SPAST: variants seen among roughly 807,000 people sequenced by gnomAD.
The protein encoded by SPAST is spastin.
In SPAST, 30 loss-of-function variants were observed where a neutral mutation model predicts 76.6. The observed-to-expected ratio is 0.39, with a 90% CI of 0.29 to 0.53. The LOEUF (loss-of-function observed/expected upper bound fraction) is 0.53. SPAST is among the 20% of genes least tolerant of loss of function. The probability of loss-of-function intolerance (pLI) is 0.68; values close to 1 mark genes in which losing one functional copy is unlikely to be tolerated. For synonymous variants in SPAST, 305 were observed against 281.0 expected (o/e 1.09, Z -0.86); for missense variants, 717 against 770.5 (o/e 0.93, Z 0.82).
chr2:32,122,614 A>G lies in SPAST; in HGVS notation c.1099-4334A>G, dbSNP rs540363236. Among the ~76,000 whole-genome samples the G allele has an allele frequency of 9.9e-4, 150 of 151,866 alleles. 1 individual carries two copies. Among genetic ancestry groups the G allele is most frequent in the African/African-American group, 3.6e-3 (148 of 41,460 alleles). ...TGGGATTACAGGTATGAGCCACCAC[A>G]CCTGGGCTGAAATTACTGTTTTTAT... On this transcript the variant is annotated intron_variant, in intron 7 of 16. Coordinates refer to ENST00000315285, the MANE Select transcript of SPAST (RefSeq NM_014946.4).
At chr2:32,094,420 C>T (rs1162234143) in intron 3 of SPAST, among the ~76,000 whole-genome samples, 1 of 151,972 alleles carries the variant, frequency 6.6e-6, no homozygotes, top group Admixed American at 6.6e-5. Context: ...GAGAAGTTGC[C>T]ATGAGTTAGC....
At chr2:32,082,287 C>G (rs905949658) in intron 1 of SPAST, among the ~76,000 whole-genome samples, 28 of 151,822 alleles carry the variant, frequency 1.8e-4, no homozygotes, top group Non-Finnish European at 3.7e-4. Flanking sequence ...GCCACCGCAC[C>G]TGGCTCTAGT....
At chr2:32,108,277 G>T (rs1425721621) in intron 4 of SPAST, among the ~76,000 whole-genome samples, 1 of 152,158 alleles carries the variant, frequency 6.6e-6, no homozygotes, top group African/African-American at 2.4e-5. Flanking sequence ...CTCAACAGCA[G>T]ATTAGAGATA....
intron 3 of SPAST, among the ~76,000 whole-genome samples, chr2:32,092,612 A>G (rs1451982895): frequency 6.6e-6 from 1 of 152,232 alleles, no homozygotes; most frequent in East Asian, 1.9e-4. Flanking sequence ...GCATTTAAAG[A>G]TTTAACGTTT....
At chr2:32,113,560 C>CTTT (rs10534612) in intron 4 of SPAST, among the ~76,000 whole-genome samples, 43 of 90,948 alleles carry the variant, frequency 4.7e-4, no homozygotes, top group African/African-American at 6.4e-4. Flanking sequence ...TGCTTCATAA[C>CTTT]TTTTTTTTTT....
At chr2:32,083,259 TG>T (rs1429044287) in intron 1 of SPAST, among the ~76,000 whole-genome samples, 1 of 152,144 alleles carries the variant, frequency 6.6e-6, no homozygotes, top group Non-Finnish European at 1.5e-5. Flanking sequence ...CCCATCCTCC[TG>T]TTTTTAAATT....
chr2:32,107,319 G>A (rs1447904014), intron 4 of SPAST, among the ~76,000 whole-genome samples: 1 of 151,800 alleles, frequency 6.6e-6, no homozygotes, highest in Admixed American at 6.6e-5. Context: ...TGCAACCTCC[G>A]CAGCCTCCCC....
chr2:32,066,993 CCAAAAAAAA>C (rs1676544813), intron 1 of SPAST, among the ~76,000 whole-genome samples: 3 of 41,678 alleles, frequency 7.2e-5, no homozygotes, highest in South Asian at 1.2e-3. Flanking sequence ...AAAAAAAAAA[CCAAAAAAAA>C]AAAAACTGTT....
intron 7 of SPAST, among the ~76,000 whole-genome samples, chr2:32,122,313 G>A (rs1023187582): frequency 6.6e-6 from 1 of 152,014 alleles, no homozygotes; most frequent in Admixed American, 6.6e-5. Flanking sequence ...AAATTACTAG[G>A]TTTTGTTTTG....
In SPAST at chr2:32,154,609, C is replaced by A; in HGVS notation, c.*113C>A. On this transcript the variant is annotated 3_prime_UTR_variant, in exon 17 of 17. Transcript: ENST00000315285. ...CTAAGTTTACAGGACTTTTTAGAGT[C>A]TTACATATTTGTGCACCAAACTTGA... The A allele has an allele frequency of 9.4e-7, 1 of 1,068,160 alleles. No homozygotes were observed. Among genetic ancestry groups the A allele is most frequent in the Non-Finnish European group, 1.4e-6 (1 of 708,628 alleles). The allele number at this position is 1,068,160 out of a possible 1,614,324, so 66.2% of individuals were successfully genotyped here.
At chr2:32,146,967 A>C (rs1679907976) in intron 15 of SPAST, among the ~76,000 whole-genome samples, 1 of 152,030 alleles carries the variant, frequency 6.6e-6, no homozygotes, top group Admixed American at 6.6e-5. Context: ...TTCCCTTTCA[A>C]ATTTGTGAAC....
At chr2:32,084,444 A>G (rs932060987) in intron 1 of SPAST, among the ~76,000 whole-genome samples, 1 of 152,002 alleles carries the variant, frequency 6.6e-6, no homozygotes, top group African/African-American at 2.4e-5. Context: ...GATTACAGGC[A>G]TGAGCCACCG....
At position 32,063,842 on chromosome 2, in the gene SPAST, CG is replaced by C; in HGVS notation, c.14del (p.Gly5ValfsTer55). 1 of 1,576,978 alleles carries C rather than the reference CG, an allele frequency of 6.3e-7. No individual in the cohort carries two copies. MNS[P>X]GGRGKKKGSG... ...CAGTGAGAGCTGTGAATGAATTCTC[CG>C]GGTGGACGAGGGAAGAAGAAAGGCT... is the stretch of plus-strand genomic sequence containing the variant. On this transcript the variant is annotated frameshift_variant, in exon 1 of 17. Coordinates refer to ENST00000315285, the MANE Select transcript of SPAST (RefSeq NM_014946.4). LOFTEE classifies it high-confidence loss of function.
chr2:32,077,235 G>C (rs1676999009), intron 1 of SPAST, among the ~76,000 whole-genome samples: 1 of 152,114 alleles, frequency 6.6e-6, no homozygotes, highest in Non-Finnish European at 1.5e-5. Context: ...GTTGCCATCA[G>C]AAAATTGTAG....
chr2:32,154,625 C>G lies in SPAST; in HGVS notation c.*129C>G. The G allele has an allele frequency of 3.2e-6, 3 of 924,942 alleles. No individual in the cohort carries two copies. Among genetic ancestry groups the G allele is most frequent in the East Asian group, 2.5e-5 (1 of 40,028 alleles). 57.3% of individuals were successfully genotyped at this position (924,942 alleles called of 1,614,324 possible). A position where few individuals can be genotyped will look rare whatever the true frequency, so the allele number is the denominator to read the frequency against. Reference sequence around the variant, plus strand: ...TTTTAGAGTCTTACATATTTGTGCACCAAACTTGAAGATGAACCAGAAAAC... The same window carrying G: ...TTTTAGAGTCTTACATATTTGTGCAGCAAACTTGAAGATGAACCAGAAAAC... On this transcript the variant is annotated 3_prime_UTR_variant, in exon 17 of 17. Coordinates refer to ENST00000315285, the MANE Select transcript of SPAST (RefSeq NM_014946.4).
intron 12 of SPAST, among the ~76,000 whole-genome samples, chr2:32,137,429 G>C (rs376211157): frequency 6.6e-6 from 1 of 152,082 alleles, no homozygotes; most frequent in Non-Finnish European, 1.5e-5. Context: ...AGTTCTTCTG[G>C]GTTGCATTAA....
intron 3 of SPAST, among the ~76,000 whole-genome samples, chr2:32,093,359 C>T (rs11124276): frequency 6.7e-6 from 1 of 149,112 alleles, no homozygotes; most frequent in Non-Finnish European, 1.5e-5. Flanking sequence ...GCGGGCACCT[C>T]TAATCTCACC....
At chr2:32,084,862 T>A (rs1291442577) in intron 1 of SPAST, among the ~76,000 whole-genome samples, 1 of 114,684 alleles carries the variant, frequency 8.7e-6, no homozygotes, top group Non-Finnish European at 1.6e-5. Context: ...CACTCCAGCC[T>A]GGGCAATAGA....
intron 1 of SPAST, among the ~76,000 whole-genome samples, chr2:32,066,398 G>T (rs1460897329): frequency 6.6e-6 from 1 of 152,136 alleles, no homozygotes; most frequent in African/African-American, 2.4e-5. Context: ...GGCCAGTCAT[G>T]GTGGCTCACG....
Sources: gnomAD v4.1 joint callset for allele counts (sites outside exome capture counted in the v4.1 genomes callset) on GRCh38, gnomAD v4.1.1 for gene constraint, MANE v1.5 for transcripts, NCBI Gene and HGNC (gene_info 2026-07-23, HGNC 2026-07-21) for gene names.